The following MUC13 variants were observed in gnomAD, a reference collection of about 807,000 sequenced individuals.
The protein encoded by MUC13 is mucin-13.
A neutral mutation model predicts 48.3 loss-of-function variants in MUC13; 32 were observed. The observed-to-expected ratio is 0.66, with a 90% CI of 0.50 to 0.89. MUC13 has a LOEUF of 0.89. Among genes scored for constraint, MUC13 ranks in the 40% least tolerant of loss-of-function variants. The pLI, the probability that MUC13 is intolerant of heterozygous loss-of-function variation, is 0.00. For missense variants in MUC13, 571 were observed against 622.8 expected, an observed-to-expected ratio of 0.92 and a Z score of 0.88; for synonymous variants, 199 against 224.9, an observed-to-expected ratio of 0.88 and a Z score of 1.03.
At chr3:124,922,964 G>A (rs1437151284) in intron 3 of MUC13, among the ~76,000 whole-genome samples, 1 of 152,040 alleles carries the variant, frequency 6.6e-6, no homozygotes, top group Non-Finnish European at 1.5e-5. Flanking sequence ...ATCCCCAGGA[G>A]TGAGATTATT....
intron 5 of MUC13, 124 bp downstream of exon 5, chr3:124,920,110 T>G: frequency 1.2e-6 from 1 of 827,298 alleles, no homozygotes; most frequent in Non-Finnish European, 2.0e-6. Context: ...AGACTGAGAC[T>G]GACCCTCTCC....
Position 124,934,700 on chromosome 3 carries a change from T to C in MUC13, c.13A>G (p.Ile5Val), listed in dbSNP as rs1369556809. The C allele has an allele frequency of 1.2e-6, 2 of 1,610,528 alleles. No homozygotes were observed. Among genetic ancestry groups the C allele is most frequent in the East Asian group, 2.2e-5 (1 of 44,834 alleles). MKAI[I>V]HLTLLALLSV... ...AGGAGAGCAAGAAGAGTAAGATGAA[T>C]GATGGCTTTCATTTTAGCTGTTCTT... The change falls in exon 1 of 12, where the codon ATT becomes GTT. Residue 5 changes from isoleucine to valine, a missense_variant. Transcript: ENST00000616727.
intron 1 of MUC13, among the ~76,000 whole-genome samples, chr3:124,931,171 G>A (rs554736256): frequency 6.6e-6 from 1 of 152,116 alleles, no homozygotes; most frequent in African/African-American, 2.4e-5. Flanking sequence ...GGTGGCTCAT[G>A]TCTGTAATCC....
chr3:124,925,229 A>G (rs1271031453), intron 2 of MUC13, among the ~76,000 whole-genome samples: 4 of 152,264 alleles, frequency 2.6e-5, no homozygotes, highest in Non-Finnish European at 5.9e-5. Context: ...GAAAGGCTAC[A>G]TAATGTATGA....
chr3:124,912,318 T>G, intron 8 of MUC13, 177 bp from the exon 9 acceptor site: 2 of 893,776 alleles, frequency 2.2e-6, no homozygotes, highest in Non-Finnish European at 3.3e-6. Flanking sequence ...GAGACCACCT[T>G]CCATGGGGTT....
chr3:124,928,373 G>A (rs1935732625), intron 1 of MUC13, among the ~76,000 whole-genome samples: 1 of 152,054 alleles, frequency 6.6e-6, no homozygotes, highest in South Asian at 2.1e-4. Flanking sequence ...CAAATAAAGA[G>A]TTAATGTTTA....
rs961360554 is a variant in MUC13, at chr3:124,927,990, G to T, written c.56C>A (p.Thr19Asn). 2.6e-6 allele frequency: 4 copies of T among 1,539,590 alleles called. No homozygotes were observed. The highest frequency in any genetic ancestry group is 3.5e-6 in the Non-Finnish European group (4 of 1,146,570). Residue 19 changes from threonine (T) to asparagine (N), a missense_variant, in exon 2 of 12, where the codon ACC becomes AAC. Thr to Asn is a moderately conservative substitution (Grantham distance 65). Transcript: ENST00000616727. Reference protein sequence around the residue: ...LLALLSVNTATNQGNSADAVT... With the variant: ...LLALLSVNTANNQGNSADAVT... ...AGCATCAGCTGAGTTGCCTTGGTTG[G>T]TGGCTGGAGGAACAAAGATACCAAG...
chr3:124,929,019 A>G (rs1388690213), intron 1 of MUC13, among the ~76,000 whole-genome samples: 1 of 152,196 alleles, frequency 6.6e-6, no homozygotes, highest in Non-Finnish European at 1.5e-5. Flanking sequence ...TCACAATTCT[A>G]GATACATTGA....
intron 7 of MUC13, 151 bp downstream of exon 7, chr3:124,913,411 G>A: frequency 7.0e-7 from 1 of 1,435,004 alleles, no homozygotes. Flanking sequence ...GGCTAGCAAA[G>A]GTCCCAGCCA....
intron 10 of MUC13, 31 bp from the exon 11 acceptor site, chr3:124,908,379 C>G: frequency 6.4e-7 from 1 of 1,559,870 alleles, no homozygotes; most frequent in Non-Finnish European, 8.8e-7. Context: ...TAGGATTTGA[C>G]AATGGCAGAA....
chr3:124,913,933 G>T (rs751404496), intron 6 of MUC13, among the ~76,000 whole-genome samples: 2 of 152,232 alleles, frequency 1.3e-5, no homozygotes, highest in Admixed American at 6.5e-5. Flanking sequence ...ATGGTGGCAA[G>T]CTCCTGTAGT....
intron 1 of MUC13, among the ~76,000 whole-genome samples, chr3:124,930,488 G>A (rs144832578): frequency 1.1e-3 from 161 of 152,128 alleles, no homozygotes; most frequent in African/African-American, 3.8e-3. Context: ...ATACCCAAGA[G>A]GAACTGTAAA....
chr3:124,916,803 T>A (rs1195360782), intron 5 of MUC13, among the ~76,000 whole-genome samples: 4 of 152,144 alleles, frequency 2.6e-5, no homozygotes, highest in Admixed American at 2.6e-4. Flanking sequence ...CTAACCAGAA[T>A]TAGAACAAGT....
intron 1 of MUC13, among the ~76,000 whole-genome samples, chr3:124,932,009 C>A (rs1448138830): frequency 6.6e-6 from 1 of 152,072 alleles, no homozygotes; most frequent in East Asian, 1.9e-4. Context: ...GGCGCCATTG[C>A]ACTCCAGCCT....
At chr3:124,927,434 T>A in intron 2 of MUC13, 98 bp downstream of exon 2, 1 of 1,172,396 alleles carries the variant, frequency 8.5e-7, no homozygotes. Flanking sequence ...TTGGGCCTCT[T>A]TAGACCCATT....
intron 7 of MUC13, 133 bp from the exon 8 acceptor site, chr3:124,913,373 T>G: frequency 6.9e-7 from 1 of 1,443,994 alleles, no homozygotes; most frequent in South Asian, 1.3e-5. Flanking sequence ...ACTCCACACA[T>G]GATGTGCCCC....
chr3:124,926,246 G>C (rs1935685115), intron 2 of MUC13, among the ~76,000 whole-genome samples: 1 of 152,178 alleles, frequency 6.6e-6, no homozygotes, highest in South Asian at 2.1e-4. Context: ...AGAGATTTGG[G>C]GGGCTTTTTA....
Position 124,916,301 on chromosome 3 carries a change from A to G in MUC13, c.964+16T>C. ...GGTCTTCAGGTGAACTTTGAATAAA[A>G]TTATACAATACTTACAATCATAGTT... On this transcript the variant is annotated intron_variant, in intron 6 of 11. Coordinates refer to ENST00000616727, the MANE Select transcript of MUC13 (RefSeq NM_033049.4). 1.3e-6 allele frequency: 2 copies of G among 1,597,198 alleles called. No individual in the cohort carries two copies. The highest frequency in any genetic ancestry group is 1.7e-6 in the Non-Finnish European group (2 of 1,170,872).
At chr3:124,925,618 A>G (rs1935673046) in intron 2 of MUC13, among the ~76,000 whole-genome samples, 1 of 152,140 alleles carries the variant, frequency 6.6e-6, no homozygotes, top group South Asian at 2.1e-4. Context: ...AAAGTTCATT[A>G]ACATTATATT....
Sources: allele counts gnomAD v4.1 joint callset (sites outside exome capture counted in the v4.1 genomes callset), GRCh38; gene constraint gnomAD v4.1.1; transcripts MANE v1.5; gene names NCBI Gene and HGNC (gene_info 2026-07-23, HGNC 2026-07-21).